Variants in AADACL2 observed in about 807,000 individuals in gnomAD.
AADACL2 encodes the protein arylacetamide deacetylase like 2.
AADACL2 carries 23 observed loss-of-function variants against 22.3 expected under a neutral mutation model. The observed-to-expected ratio is 1.03, with a 90% CI of 0.74 to 1.46. The LOEUF is 1.46. AADACL2 is among the 40% of genes most tolerant of loss of function. The pLI is 0.00. For synonymous variants in AADACL2, 177 were observed against 166.2 expected, an observed-to-expected ratio of 1.07 and a Z score of -0.50; for missense variants, 472 against 482.9, an observed-to-expected ratio of 0.98 and a Z score of 0.21.
In AADACL2 at chr3:151,757,627, T is replaced by C; in HGVS notation, c.*33T>C. 1 of 1,541,292 alleles carries C rather than the reference T, an allele frequency of 6.5e-7. No homozygotes were observed. Among genetic ancestry groups the C allele is most frequent in the Non-Finnish European group, 8.7e-7 (1 of 1,145,336 alleles). ...ATGTGTATGTATAGCCCTTACATAG[T>C]GGATTGTAATTTGTGATATTTTGTG... On this transcript the variant is annotated 3_prime_UTR_variant, in exon 5 of 5. Transcript: ENST00000356517.
In AADACL2 at chr3:151,761,202, G is replaced by T. The variant is rs970159258; in HGVS notation, c.*3608G>T. On this transcript the variant is annotated 3_prime_UTR_variant, in exon 5 of 5. Coordinates refer to ENST00000356517, the MANE Select transcript of AADACL2 (RefSeq NM_207365.4). The stretch of plus-strand genomic sequence containing the variant: ...ATATATGGTGAGATATATACATATT[G>T]TGATATATATATATATATATATATA... 1.5e-5 allele frequency: 1 copy of T among 67,324 alleles called. No homozygotes were observed. Among genetic ancestry groups the T allele is most frequent in the Non-Finnish European group, 3.0e-5 (1 of 33,684 alleles). 4.2% of individuals were successfully genotyped at this position (67,324 alleles called of 1,614,324 possible).
chr3:151,740,716 A>T lies in AADACL2; in HGVS notation c.209A>T (p.Tyr70Phe), dbSNP rs1560281762. ...ATATCCATGATATTCAGGCTGGATTATACCCAACCACTTTCAGATGAATAC... is the reference window on the plus strand; with the variant it reads ...ATATCCATGATATTCAGGCTGGATTTTACCCAACCACTTTCAGATGAATAC... The part of the protein sequence containing the change: ...EFISMIFRLD[Y>F]TQPLSDEYIT... Residue 70 changes from tyrosine (Y) to phenylalanine (F), a missense_variant, in exon 2 of 5, where the codon TAT (tyrosine) becomes TTT (phenylalanine). Physicochemically the swap from Tyr to Phe is conservative, Grantham distance 22 (BLOSUM62 3). Transcript: ENST00000356517. 6.2e-7 allele frequency: 1 copy of T among 1,613,888 alleles called. No individual in the cohort carries two copies. Among genetic ancestry groups the T allele is most frequent in the Non-Finnish European group, 8.5e-7 (1 of 1,179,860 alleles).
At chr3:151,755,869 A>G (rs1034936548) in intron 4 of AADACL2, among the ~76,000 whole-genome samples, 4 of 152,130 alleles carry the variant, frequency 2.6e-5, no homozygotes, top group African/African-American at 9.7e-5. Flanking sequence ...TTTGATTAGT[A>G]AATTATCTAC....
chr3:151,758,429 G>T lies in AADACL2; in HGVS notation c.*835G>T, dbSNP rs1397126824. The T allele has an allele frequency of 6.6e-6, 1 of 152,042 alleles. No individual in the cohort carries two copies. Among genetic ancestry groups the T allele is most frequent in the Non-Finnish European group, 1.5e-5 (1 of 67,994 alleles). 9.4% of individuals were successfully genotyped at this position (152,042 alleles called of 1,614,324 possible). A position where few individuals can be genotyped will look rare whatever the true frequency, so the allele number is the denominator to read the frequency against. Reference sequence around the variant, plus strand: ...GCATCTCACGATCCTCAATTTAATTGTATTTGCAGATTTCCCCACCCTTTT... The same window carrying T: ...GCATCTCACGATCCTCAATTTAATTTTATTTGCAGATTTCCCCACCCTTTT... On this transcript the variant is annotated 3_prime_UTR_variant, in exon 5 of 5. Transcript: ENST00000356517.
chr3:151,754,958 T>G (rs1261906262), intron 4 of AADACL2: 1 of 152,096 alleles, frequency 6.6e-6, no homozygotes, highest in Non-Finnish European at 1.5e-5. Flanking sequence ...GTATTAATGT[T>G]TATGTGCACT....
At chr3:151,744,764 C>A (rs983722857) in intron 3 of AADACL2, among the ~76,000 whole-genome samples, 1 of 152,008 alleles carries the variant, frequency 6.6e-6, no homozygotes, top group South Asian at 2.1e-4. Context: ...TTCTAAGAAC[C>A]CTATTACCAA....
At position 151,759,857 on chromosome 3, in the gene AADACL2, A is replaced by G. The variant is rs1045427209; in HGVS notation, c.*2263A>G. ...AGTTTGTTCCATTTTGTGTGGTGGC[A>G]TGAGCATTGTGATCAAGCCATTAAG... is the stretch of plus-strand genomic sequence containing the variant. On this transcript the variant is annotated 3_prime_UTR_variant, in exon 5 of 5. Coordinates refer to ENST00000356517, the MANE Select transcript of AADACL2 (RefSeq NM_207365.4). 2.0e-5 allele frequency: 3 copies of G among 152,112 alleles called. No homozygotes were observed. The highest frequency in any genetic ancestry group is 7.2e-5 in the African/African-American group (3 of 41,432). 9.4% of individuals were successfully genotyped at this position (152,112 alleles called of 1,614,324 possible). A position where few individuals can be genotyped will look rare whatever the true frequency, so the allele number is the denominator to read the frequency against.
At chr3:151,734,299 G>C in intron 1 of AADACL2, 126 bp downstream of exon 1, 3 of 1,085,462 alleles carry the variant, frequency 2.8e-6, no homozygotes, top group South Asian at 2.0e-5. Context: ...GCTTGTTTGA[G>C]TAAATTAATT....
chr3:151,747,995 T>C (rs961207255), intron 4 of AADACL2, among the ~76,000 whole-genome samples: 17 of 152,260 alleles, frequency 1.1e-4, no homozygotes, highest in Admixed American at 1.1e-3. Context: ...GTTGAATTCT[T>C]TATACATTTT....
In AADACL2 at chr3:151,745,667, C is replaced by G. The variant is rs760055575; in HGVS notation, c.590C>G (p.Ala197Gly). ...AGTTCTGGGGGCAATTTAGCAACAGCGGTCACTCAACAGGTACATTATATT... is the reference window on the plus strand; with the variant it reads ...AGTTCTGGGGGCAATTTAGCAACAGGGGTCACTCAACAGGTACATTATATT... ...GDSSGGNLAT[A>G]VTQQVQNDAE... is the part of the protein sequence containing the mutation. The change falls in exon 4 of 5, where the codon GCG becomes GGG. Residue 197 changes from alanine (A) to glycine (G), a missense_variant. Ala to Gly is a moderately conservative substitution (Grantham distance 60). Transcript: ENST00000356517. 6.2e-7 allele frequency: 1 copy of G among 1,609,102 alleles called. No homozygotes were observed. Among genetic ancestry groups the G allele is most frequent in the Admixed American group, 1.7e-5 (1 of 59,176 alleles).
chr3:151,744,198 G>C, intron 3 of AADACL2, 36 bp downstream of exon 3: 1 of 1,607,408 alleles, frequency 6.2e-7, no homozygotes, highest in African/African-American at 1.3e-5. Context: ...TATGATTTTT[G>C]CCTTTACCAT....
In AADACL2 at chr3:151,757,350, T is replaced by C; in HGVS notation, c.962T>C (p.Leu321Ser). The change falls in exon 5 of 5, where the codon TTG (leucine) becomes TCG (serine). Residue 321 changes from leucine to serine, a missense_variant. Physicochemically the swap from Leu to Ser is moderately radical, Grantham distance 145. Around this residue, in one of 3 missense-constraint regions of AADACL2, gnomAD observed 113 missense variants for 100.9 expected, o/e 1.12. Transcript: ENST00000356517. Reference sequence around the variant, plus strand: ...ACAGACAGCAGAGCATTACCCTTGTTGGCCAATGATTCTCAGTTACAGAAT... The same window carrying C: ...ACAGACAGCAGAGCATTACCCTTGTCGGCCAATGATTCTCAGTTACAGAAT... ...GLTDSRALPL[L>S]ANDSQLQNLP... 6.2e-7 allele frequency: 1 copy of C among 1,613,822 alleles called. No individual in the cohort carries two copies. Among genetic ancestry groups the C allele is most frequent in the East Asian group, 2.2e-5 (1 of 44,872 alleles).
chr3:151,746,365 G>GTT (rs11385894), intron 4 of AADACL2, among the ~76,000 whole-genome samples: 40 of 136,964 alleles, frequency 2.9e-4, no homozygotes, highest in East Asian at 6.3e-4. Context: ...TGTTTTTTTT[G>GTT]TTTTTTTTTT....
chr3:151,745,567 G>A lies in AADACL2; in HGVS notation c.490G>A (p.Val164Ile), dbSNP rs987137633. The A allele has an allele frequency of 2.5e-6, 4 of 1,613,698 alleles. No homozygotes were observed. In the African/African-American group the frequency reaches 5.3e-5, roughly 22 times the overall value. Residue 164 changes from valine (V) to isoleucine (I), a missense_variant, in exon 4 of 5, where the codon GTC becomes ATC. Coordinates refer to ENST00000356517, the MANE Select transcript of AADACL2 (RefSeq NM_207365.4). ...TCAGTTTGAAGATGGCCTTGCTGCA[G>A]TCAAATTTTTTCTTTTGGAAAAAAT... Reference protein sequence around the residue: ...PAQFEDGLAAVKFFLLEKILT... With the variant: ...PAQFEDGLAAIKFFLLEKILT...
At position 151,740,794 on chromosome 3, in the gene AADACL2, C is replaced by A. The variant is rs201445762; in HGVS notation, c.287C>A (p.Pro96Gln). The change falls in exon 2 of 5, where the codon CCA (proline) becomes CAA (glutamine). Residue 96 changes from proline to glutamine, a missense_variant. Pro to Gln is a moderately conservative substitution (Grantham distance 76, BLOSUM62 -1). Coordinates refer to ENST00000356517, the MANE Select transcript of AADACL2 (RefSeq NM_207365.4). ...GACATTCCAGTACGATTGTACTTGC[C>A]AAAAAGAAAGTCAGAAACCCGAAGG... Reference protein sequence around the residue: ...FVDIPVRLYLPKRKSETRRRA... With the variant: ...FVDIPVRLYLQKRKSETRRRA... 43 of 1,613,852 alleles carry A rather than the reference C, an allele frequency of 2.7e-5. No homozygotes were observed. The highest frequency in any genetic ancestry group is 5.1e-6 in the Non-Finnish European group (6 of 1,179,914).
rs924612710 is a variant in AADACL2, at chr3:151,733,936, G to C, written c.-100G>C. 7.9e-7 allele frequency: 1 copy of C among 1,263,204 alleles called. No homozygotes were observed. Among genetic ancestry groups the C allele is most frequent in the Non-Finnish European group, 1.1e-6 (1 of 928,924 alleles). The allele number at this position is 1,263,204 out of a possible 1,614,324, so 78.2% of individuals were successfully genotyped here. A position where few individuals can be genotyped will look rare whatever the true frequency, so the allele number is the denominator to read the frequency against. ...TGTTGTTAAGATGATCATATCACCTGAGAGAGTTCCCAAGTCTACAATTGC... is the reference window on the plus strand; with the variant it reads ...TGTTGTTAAGATGATCATATCACCTCAGAGAGTTCCCAAGTCTACAATTGC... On this transcript the variant is annotated 5_prime_UTR_variant, in exon 1 of 5. Coordinates refer to ENST00000356517, the MANE Select transcript of AADACL2 (RefSeq NM_207365.4).
intron 1 of AADACL2, among the ~76,000 whole-genome samples, chr3:151,734,757 GC>G (rs1713036001): frequency 6.6e-6 from 1 of 152,096 alleles, no homozygotes; most frequent in African/African-American, 2.4e-5. Context: ...AGTTGTATAG[GC>G]TTTGTATAAT....
At chr3:151,752,875 TG>T (rs1220006355) in intron 4 of AADACL2, among the ~76,000 whole-genome samples, 3 of 152,218 alleles carry the variant, frequency 2.0e-5, no homozygotes, top group African/African-American at 7.2e-5. Flanking sequence ...GTTTCTAATT[TG>T]TATCATTTGT....
chr3:151,752,459 G>C (rs1334427845), intron 4 of AADACL2, among the ~76,000 whole-genome samples: 1 of 152,146 alleles, frequency 6.6e-6, no homozygotes, highest in Non-Finnish European at 1.5e-5. Flanking sequence ...AGATTTCCTG[G>C]CAACATCACA....
Sources: allele counts gnomAD v4.1 joint callset (sites outside exome capture counted in the v4.1 genomes callset), GRCh38; gene constraint gnomAD v4.1.1; regional missense constraint gnomAD v4.1.1; transcripts MANE v1.5; gene names NCBI Gene and HGNC (gene_info 2026-07-23, HGNC 2026-07-21).